The following SLC26A7 variants were observed in gnomAD, a reference collection of about 807,000 sequenced individuals.
SLC26A7 encodes the protein solute carrier family 26 member 7, also known as anion exchange transporter.
Under a neutral mutation model 82.5 loss-of-function variants are expected in SLC26A7, and 59 were observed. That is an observed-to-expected ratio of 0.72 (90% confidence interval 0.58 to 0.89). SLC26A7 has a LOEUF of 0.89. SLC26A7 is among the 40% of genes least tolerant of loss of function. The pLI is 0.00. For synonymous variants in SLC26A7, 271 were observed against 274.3 expected (o/e 0.99, Z 0.12); for missense variants, 820 against 793.0 (o/e 1.03, Z -0.41).
At chr8:91,270,604 A>T (rs1811242593) in intron 2 of SLC26A7, among the ~76,000 whole-genome samples, 1 of 152,128 alleles carries the variant, frequency 6.6e-6, no homozygotes, top group Non-Finnish European at 1.5e-5. Context: ...CAATGAACAC[A>T]TACTCTTGCC....
intron 2 of SLC26A7, among the ~76,000 whole-genome samples, chr8:91,255,632 C>T (rs1810780679): frequency 6.6e-6 from 1 of 152,094 alleles, no homozygotes; most frequent in Non-Finnish European, 1.5e-5. Context: ...TGACACATTC[C>T]TGTCTTTTCC....
intron 11 of SLC26A7, among the ~76,000 whole-genome samples, chr8:91,354,843 A>G (rs2130859868): frequency 6.6e-6 from 1 of 152,290 alleles, no homozygotes; most frequent in Non-Finnish European, 1.5e-5. Flanking sequence ...TATATCATTC[A>G]TTGAGTTATA....
intron 2 of SLC26A7, among the ~76,000 whole-genome samples, chr8:91,256,722 G>A (rs1023921237): frequency 6.6e-6 from 1 of 152,018 alleles, no homozygotes; most frequent in Non-Finnish European, 1.5e-5. Context: ...TTTAAGTTGG[G>A]TTTCTTCTAG....
At chr8:91,379,740 A>G (rs534657399) in intron 15 of SLC26A7, among the ~76,000 whole-genome samples, 115 of 152,214 alleles carry the variant, frequency 7.6e-4, no homozygotes, top group African/African-American at 2.4e-3. Context: ...CTTGGAATAA[A>G]TAAATTTCCT....
chr8:91,290,291 G>A (rs778992769), intron 3 of SLC26A7, among the ~76,000 whole-genome samples: 8 of 152,060 alleles, frequency 5.3e-5, no homozygotes, highest in Non-Finnish European at 1.2e-4. Flanking sequence ...TTCTGTTGCT[G>A]CTGTAACAAA....
chr8:91,332,056 T>C (rs1409219743), intron 5 of SLC26A7, among the ~76,000 whole-genome samples: 1 of 150,834 alleles, frequency 6.6e-6, no homozygotes, highest in Admixed American at 6.7e-5. Context: ...TTCTGCTTAG[T>C]TTTTGTTCAA....
intron 13 of SLC26A7, among the ~76,000 whole-genome samples, chr8:91,364,157 T>C (rs1044270105): frequency 6.6e-5 from 10 of 152,320 alleles, no homozygotes; most frequent in African/African-American, 1.9e-4. Flanking sequence ...GGGATGACTA[T>C]AACAGTTTAA....
intron 2 of SLC26A7, among the ~76,000 whole-genome samples, chr8:91,239,620 A>G (rs1026555066): frequency 2.6e-5 from 4 of 151,946 alleles, no homozygotes; most frequent in African/African-American, 9.7e-5. Context: ...ACATCCCCTA[A>G]TGCCTGCAGC....
chr8:91,246,564 G>A (rs1365020507), upstream of SLC26A7, among the ~76,000 whole-genome samples: 1 of 152,072 alleles, frequency 6.6e-6, no homozygotes, highest in East Asian at 1.9e-4. Context: ...TATAGAAATA[G>A]ACTAGTGCAC....
At chr8:91,388,141 T>G (rs1408430667) in intron 15 of SLC26A7, among the ~76,000 whole-genome samples, 1 of 152,186 alleles carries the variant, frequency 6.6e-6, no homozygotes, top group African/African-American at 2.4e-5. Context: ...GGATTTTTGT[T>G]TTTTTTAGAG....
intron 4 of SLC26A7, among the ~76,000 whole-genome samples, chr8:91,312,009 T>C (rs531394316): frequency 4.6e-5 from 7 of 152,324 alleles, no homozygotes; most frequent in African/African-American, 1.7e-4. Flanking sequence ...TTTTGGCTTA[T>C]TGTATTGAGG....
At chr8:91,321,397 C>T (rs1481596231) in intron 5 of SLC26A7, among the ~76,000 whole-genome samples, 2 of 152,178 alleles carry the variant, frequency 1.3e-5, no homozygotes, top group South Asian at 2.1e-4. Context: ...CCGACTCCAG[C>T]GAAGCTCAGG....
chr8:91,310,024 G>A (rs569077869), intron 4 of SLC26A7, among the ~76,000 whole-genome samples: 3 of 152,204 alleles, frequency 2.0e-5, no homozygotes, highest in Admixed American at 6.6e-5. Context: ...TAAGATATTA[G>A]CGAGAAGCTG....
At chr8:91,300,553 A>G (rs1415310802) in intron 4 of SLC26A7, among the ~76,000 whole-genome samples, 6 of 151,766 alleles carry the variant, frequency 4.0e-5, no homozygotes, top group Non-Finnish European at 7.4e-5. Context: ...GCCCGCCACT[A>G]CGCCCGGCTA....
intron 11 of SLC26A7, among the ~76,000 whole-genome samples, chr8:91,354,880 T>C (rs1271071470): frequency 2.0e-5 from 3 of 152,160 alleles, no homozygotes; most frequent in Non-Finnish European, 4.4e-5. Flanking sequence ...ATTATTTAGA[T>C]GCATTTAGTG....
At chr8:91,234,886 T>TTCTC (rs368880426) in intron 2 of SLC26A7, among the ~76,000 whole-genome samples, 20 of 144,148 alleles carry the variant, frequency 1.4e-4, no homozygotes, top group African/African-American at 3.6e-4. Context: ...CCTCCTTCCT[T>TTCTC]TCTCTCTCTC....
intron 9 of SLC26A7, among the ~76,000 whole-genome samples, chr8:91,344,425 G>A (rs1813505366): frequency 6.6e-6 from 1 of 152,106 alleles, no homozygotes; most frequent in Non-Finnish European, 1.5e-5. Context: ...TTTAAGATAG[G>A]AATCAAATGA....
At chr8:91,306,989 G>A (rs1430303667) in intron 4 of SLC26A7, among the ~76,000 whole-genome samples, 1 of 142,738 alleles carries the variant, frequency 7.0e-6, no homozygotes, top group Non-Finnish European at 1.5e-5. Context: ...GTGGGCGAAG[G>A]ACATGAACAG....
intron 5 of SLC26A7, among the ~76,000 whole-genome samples, chr8:91,321,815 A>T (rs1406881045): frequency 6.6e-6 from 1 of 152,108 alleles, no homozygotes; most frequent in Non-Finnish European, 1.5e-5. Context: ...TTGGGAAAAA[A>T]TTATTATTTT....
Sources: allele counts gnomAD v4.1 joint callset (sites outside exome capture counted in the v4.1 genomes callset), GRCh38; gene constraint gnomAD v4.1.1; transcripts MANE v1.5; gene names NCBI Gene and HGNC (gene_info 2026-07-23, HGNC 2026-07-21).